Variants in DNAH7 observed in about 807,000 individuals in gnomAD.
DNAH7 encodes the protein axonemal beta dynein heavy chain 7.
Under a neutral mutation model 444.6 loss-of-function variants are expected in DNAH7, and 397 were observed. That is an observed-to-expected ratio of 0.89 (90% confidence interval 0.82 to 0.97). DNAH7 has a LOEUF of 0.97. Among genes scored for constraint, DNAH7 ranks in the 50% least tolerant of loss-of-function variants. The pLI is 0.00. For synonymous variants in DNAH7, 1,636 were observed against 1,624.4 expected, an observed-to-expected ratio of 1.01 and a Z score of -0.17; for missense variants, 4,902 against 4,800.8, an observed-to-expected ratio of 1.02 and a Z score of -0.62.
intron 46 of DNAH7, among the ~76,000 whole-genome samples, chr2:195,846,020 A>C (rs949757419): frequency 2.0e-5 from 3 of 152,254 alleles, no homozygotes; most frequent in Non-Finnish European, 4.4e-5. Flanking sequence ...GACCTAATTA[A>C]ACTAAAGAGC....
chr2:195,900,500 G>T lies in DNAH7; in HGVS notation c.4336-6C>A. On this transcript the variant is annotated splice_region_variant and splice_polypyrimidine_tract_variant and intron_variant, in intron 27 of 64. Transcript: ENST00000312428. ...GCTACTGTCCGAAAGAGAGCCTATG[G>T]GTAGGTAGAAAGTTACTTTTAAAAG... 1 of 1,612,758 alleles carries T rather than the reference G, an allele frequency of 6.2e-7. No homozygotes were observed. Among genetic ancestry groups the T allele is most frequent in the South Asian group, 1.1e-5 (1 of 90,988 alleles).
intron 1 of DNAH7, chr2:196,063,508 T>C (rs1698248007): frequency 6.6e-6 from 1 of 152,272 alleles, no homozygotes. Context: ...GTTGTATGTC[T>C]GCCCAACTGA....
chr2:195,890,327 C>CT (rs1365882074), intron 31 of DNAH7, among the ~76,000 whole-genome samples: 1 of 152,154 alleles, frequency 6.6e-6, no homozygotes, highest in Non-Finnish European at 1.5e-5. Flanking sequence ...TTGGGAAACA[C>CT]TACCGTGCAA....
At chr2:195,940,847 C>G (rs949596794) in intron 19 of DNAH7, among the ~76,000 whole-genome samples, 5 of 151,814 alleles carry the variant, frequency 3.3e-5, no homozygotes, top group Non-Finnish European at 5.9e-5. Context: ...AGTTAGAATG[C>G]CAATCATTAA....
chr2:195,879,538 G>C (rs995266270), intron 36 of DNAH7, among the ~76,000 whole-genome samples: 1 of 152,010 alleles, frequency 6.6e-6, no homozygotes, highest in African/African-American at 2.4e-5. Flanking sequence ...ATAAGCTATC[G>C]TCAGGTAAGC....
At chr2:195,997,923 G>A (rs1324414192) in intron 12 of DNAH7, among the ~76,000 whole-genome samples, 1 of 152,090 alleles carries the variant, frequency 6.6e-6, no homozygotes, top group African/African-American at 2.4e-5. Flanking sequence ...AATGGTGAGT[G>A]GTGATGGTGA....
chr2:195,962,069 A>G (rs115284076), intron 17 of DNAH7, among the ~76,000 whole-genome samples: 144 of 152,344 alleles, frequency 9.5e-4, no homozygotes, highest in African/African-American at 3.1e-3. Flanking sequence ...AGTCTTGAAC[A>G]CTTCCTCTTA....
chr2:195,738,042 CCT>C lies in DNAH7; in HGVS notation c.11952_11953del (p.Gly3985SerfsTer20), dbSNP rs754431451. 1 of 1,613,910 alleles carries C rather than the reference CCT, an allele frequency of 6.2e-7. No individual in the cohort carries two copies. Among genetic ancestry groups the C allele is most frequent in the African/African-American group, 1.3e-5 (1 of 74,922 alleles). Reference sequence around the variant, plus strand: ...GGAATGGCCAGTGGTGGATAATACTCCTCTCCGCTCACTTGTCTTATACAATG... The same window carrying C: ...GGAATGGCCAGTGGTGGATAATACTCCTCCGCTCACTTGTCTTATACAATG... On this transcript the variant is annotated frameshift_variant, in exon 65 of 65. Transcript: ENST00000312428. LOFTEE classifies it high-confidence loss of function.
At chr2:195,876,424 C>T in intron 37 of DNAH7, 120 bp downstream of exon 37, 1 of 985,928 alleles carries the variant, frequency 1.0e-6, no homozygotes, top group Non-Finnish European at 1.5e-6. Context: ...CCTTTTAATC[C>T]AAATTTGTGA....
At chr2:195,975,507 G>A (rs1473184987) in intron 15 of DNAH7, among the ~76,000 whole-genome samples, 1 of 152,128 alleles carries the variant, frequency 6.6e-6, no homozygotes, top group Non-Finnish European at 1.5e-5. Context: ...CACAAGAACT[G>A]CAACTCCTAG....
In DNAH7 at chr2:195,970,047, T is replaced by C. The variant is rs1691741508; in HGVS notation, c.2106A>G (p.Gln702=). The change falls in exon 17 of 65, where the codon CAA becomes CAG. Residue 702 remains glutamine, a synonymous_variant. Transcript: ENST00000312428. ...CTCCAAATGAATAAAATTCTTCTGA[T>C]TGCTTAGCATAACTCTCCAATTCCT... The part of the protein sequence containing the change: ...FVEELESYAK[Q]SEEFYSFGDL... The C allele has an allele frequency of 1.7e-5, 27 of 1,612,980 alleles. No individual in the cohort carries two copies. The highest frequency in any genetic ancestry group is 2.2e-5 in the Non-Finnish European group (26 of 1,179,644).
intron 61 of DNAH7, among the ~76,000 whole-genome samples, chr2:195,764,699 T>C (rs567962350): frequency 2.0e-5 from 3 of 151,874 alleles, no homozygotes; most frequent in African/African-American, 2.4e-5. Context: ...ACCTCTATGA[T>C]AAAAACTATA....
At chr2:195,774,152 C>A (rs1327107114) in intron 60 of DNAH7, among the ~76,000 whole-genome samples, 1 of 152,172 alleles carries the variant, frequency 6.6e-6, no homozygotes, top group Non-Finnish European at 1.5e-5. Context: ...GTTGGAATGA[C>A]CCCACTGTTT....
chr2:195,816,652 T>C lies in DNAH7; in HGVS notation c.9737A>G (p.Glu3246Gly). 6.2e-7 allele frequency: 1 copy of C among 1,611,628 alleles called. No homozygotes were observed. Among genetic ancestry groups the C allele is most frequent in the East Asian group, 2.2e-5 (1 of 44,834 alleles). The stretch of plus-strand genomic sequence containing the variant: ...CCTTTTTGCCAAAATTTCTGATTTC[T>C]CTGAATTTTCAATAGACAGGATGAA... Reference protein sequence around the residue: ...NLFILSIENSEKSEILAKRLQ... With the variant: ...NLFILSIENSGKSEILAKRLQ... The change falls in exon 51 of 65, where the codon GAG becomes GGG. Residue 3246 changes from glutamate to glycine, a missense_variant. Coordinates refer to ENST00000312428, the MANE Select transcript of DNAH7 (RefSeq NM_018897.3).
intron 17 of DNAH7, among the ~76,000 whole-genome samples, chr2:195,969,229 C>T (rs1032598785): frequency 4.6e-5 from 7 of 152,138 alleles, no homozygotes; most frequent in Non-Finnish European, 7.4e-5. Flanking sequence ...ACCTCAGTGG[C>T]CTTGGTTTAA....
intron 21 of DNAH7, among the ~76,000 whole-genome samples, chr2:195,931,904 G>T (rs570337928): frequency 1.7e-4 from 26 of 152,172 alleles, no homozygotes; most frequent in African/African-American, 6.0e-4. Flanking sequence ...TTGGCAATGT[G>T]GGCTCTTTTT....
At chr2:195,922,945 T>C (rs915658012) in intron 23 of DNAH7, among the ~76,000 whole-genome samples, 2 of 151,946 alleles carry the variant, frequency 1.3e-5, no homozygotes, top group African/African-American at 4.8e-5. Context: ...CACTGCAACC[T>C]CTGCCTCCTG....
chr2:195,987,225 GAAGA>G (rs1245571031), intron 13 of DNAH7, 32 bp from the exon 14 acceptor site: 4 of 1,473,518 alleles, frequency 2.7e-6, no homozygotes, highest in East Asian at 2.4e-5. Flanking sequence ...ATCAACATAA[GAAGA>G]AATAAAACAA....
At chr2:195,980,061 C>CAAAAAA (rs59664135) in intron 15 of DNAH7, among the ~76,000 whole-genome samples, 102 of 75,030 alleles carry the variant, frequency 1.4e-3, no homozygotes, top group African/African-American at 3.9e-3. Flanking sequence ...CAAACTAATA[C>CAAAAAA]AAAAAAAAAA....
Sources: gnomAD v4.1 joint callset for allele counts (sites outside exome capture counted in the v4.1 genomes callset) on GRCh38, gnomAD v4.1.1 for gene constraint, MANE v1.5 for transcripts, NCBI Gene and HGNC (gene_info 2026-07-23, HGNC 2026-07-21) for gene names.